The following SCRIB variants were observed in gnomAD, a reference collection of about 807,000 sequenced individuals.
SCRIB encodes protein scribble homolog.
A neutral mutation model predicts 170.0 loss-of-function variants in SCRIB; 72 were observed. The observed-to-expected ratio is 0.42, with a 90% CI of 0.35 to 0.52. The LOEUF is 0.52. SCRIB is among the 20% of genes least tolerant of loss of function. The pLI is 0.02. For synonymous variants in SCRIB, 1,298 were observed against 1,044.3 expected, an observed-to-expected ratio of 1.24 and a Z score of -4.68; for missense variants, 2,475 against 2,338.5, an observed-to-expected ratio of 1.06 and a Z score of -1.20.
chr8:143,812,942 C>A lies in SCRIB; in HGVS notation c.662G>T (p.Arg221Leu). Residue 221 changes from arginine to leucine, a missense_variant, in exon 8 of 37, where the codon CGC becomes CTC. Around this residue, in one of 3 missense-constraint regions of SCRIB, gnomAD observed 487 missense variants for 558.1 expected, o/e 0.87. Transcript: ENST00000356994. ...ALPPELGNLRRLVCLDVSENR... is the reference protein window; with the variant it reads ...ALPPELGNLRLLVCLDVSENR... ...TTCCGACACGTCCAGGCACACCAGG[C>A]GCCGCAGGTTCCCGAGCTCCTGCAG... 6.2e-7 allele frequency: 1 copy of A among 1,612,782 alleles called. No individual in the cohort carries two copies. Among genetic ancestry groups the A allele is most frequent in the East Asian group, 2.2e-5 (1 of 44,868 alleles).
chr8:143,795,991 C>T (rs1263483575), intron 24 of SCRIB, among the ~76,000 whole-genome samples: 14 of 152,138 alleles, frequency 9.2e-5, no homozygotes, highest in African/African-American at 1.7e-4. Context: ...ACAAGGGACA[C>T]CATGCAGGAG....
Position 143,815,299 on chromosome 8 carries a change from T to C in SCRIB, c.74A>G (p.Gln25Arg). The C allele has an allele frequency of 2.5e-6, 4 of 1,594,156 alleles. No homozygotes were observed. The highest frequency in any genetic ancestry group is 3.4e-6 in the Non-Finnish European group (4 of 1,173,096). Residue 25 changes from glutamine (Q) to arginine (R), a missense_variant, in exon 1 of 37, where the codon CAG becomes CGG. This residue lies in a region of SCRIB where 487 missense variants were observed against 558.1 expected (regional missense o/e 0.87). Transcript: ENST00000356994. ...GCGGTAGATCTCCTCCGGCACGGCC[T>C]GCAGCGAACAGTGCCGCTTGTCCAC... ...ESVDKRHCSL[Q>R]AVPEEIYRYS...
At chr8:143,798,990 A>G (rs1242086288) in intron 24 of SCRIB, among the ~76,000 whole-genome samples, 1 of 152,202 alleles carries the variant, frequency 6.6e-6, no homozygotes, top group Non-Finnish European at 1.5e-5. Flanking sequence ...AGGGACATCA[A>G]GGGAACGCTG....
rs183379577 is a variant in SCRIB, at chr8:143,801,805, C to G, written c.3603+1578G>C. 2.6e-5 allele frequency among the ~76,000 whole-genome samples: 4 copies of G among 152,330 alleles called. No individual in the cohort carries two copies. In the East Asian group the frequency reaches 7.7e-4, roughly 29 times the overall value. On this transcript the variant is annotated intron_variant, in intron 24 of 36. Coordinates refer to ENST00000356994, the MANE Select transcript of SCRIB (RefSeq NM_182706.5). ...GACGCGGCAGAAATGGTATCTGCCCCCAACACCAGGGAGGGTGTGGAGGTG... is the reference window on the plus strand; with the variant it reads ...GACGCGGCAGAAATGGTATCTGCCCGCAACACCAGGGAGGGTGTGGAGGTG...
intron 1 of SCRIB, 147 bp downstream of exon 1, chr8:143,815,067 G>A: frequency 1.1e-6 from 1 of 918,612 alleles, no homozygotes; most frequent in Non-Finnish European, 1.5e-6. Flanking sequence ...GAAGAGAAGG[G>A]TGGGGCTGGC....
At position 143,808,605 on chromosome 8, in the gene SCRIB, C is replaced by T. The variant is rs746382789; in HGVS notation, c.2115+4G>A. On this transcript the variant is annotated splice_donor_region_variant and intron_variant, in intron 15 of 36. Coordinates refer to ENST00000356994, the MANE Select transcript of SCRIB (RefSeq NM_182706.5). ...GGTCAGGCAGGGGTGAGGCTGACAC[C>T]AACCTTGACAGAGGGCGCAGAAACC... 1.3e-6 allele frequency: 2 copies of T among 1,507,322 alleles called. No homozygotes were observed. Among genetic ancestry groups the T allele is most frequent in the South Asian group, 2.7e-5 (2 of 73,404 alleles). 93.4% of individuals were successfully genotyped at this position (1,507,322 alleles called of 1,614,324 possible).
rs1554632419 is a variant in SCRIB at position 143,791,032 on chromosome 8, A to G, written c.*131T>C. The G allele has an allele frequency of 1.1e-6, 1 of 944,748 alleles. No homozygotes were observed. The highest frequency in any genetic ancestry group is 1.7e-5 in the African/African-American group (1 of 58,256). 58.5% of individuals were successfully genotyped at this position (944,748 alleles called of 1,614,324 possible). On this transcript the variant is annotated 3_prime_UTR_variant, in exon 37 of 37. Coordinates refer to ENST00000356994, the MANE Select transcript of SCRIB (RefSeq NM_182706.5). ...AGGTCTCGGCTGGGGTGGGGCAGTT[A>G]GTTAGTCACAGGCCAGAACTCCTGT...
chr8:143,796,500 G>A (rs1217438835), intron 24 of SCRIB, among the ~76,000 whole-genome samples: 1 of 152,222 alleles, frequency 6.6e-6, no homozygotes, highest in African/African-American at 2.4e-5. Flanking sequence ...GGGCTGCTCA[G>A]GCCGGGGGAG....
intron 1 of SCRIB, 108 bp from the exon 2 acceptor site, chr8:143,814,226 C>T (rs775418496): frequency 6.0e-5 from 54 of 900,028 alleles, no homozygotes; most frequent in Non-Finnish European, 8.6e-5. Context: ...CCTCTGTCTG[C>T]TCCAGGTCAC....
At chr8:143,807,484 G>A (rs561077948) in intron 16 of SCRIB, 68 bp downstream of exon 16, 24 of 1,281,538 alleles carry the variant, frequency 1.9e-5, no homozygotes, top group East Asian at 1.8e-4. Flanking sequence ...GGGGAGAGGC[G>A]TGAGCCCACA....
intron 18 of SCRIB, among the ~76,000 whole-genome samples, chr8:143,806,061 C>T (rs936493235): frequency 6.6e-6 from 1 of 152,178 alleles, no homozygotes; most frequent in African/African-American, 2.4e-5. Context: ...GTAGCCTGAC[C>T]CCTCTCGGTC....
chr8:143,799,475 C>T (rs1815081668), intron 24 of SCRIB, among the ~76,000 whole-genome samples: 1 of 152,136 alleles, frequency 6.6e-6, no homozygotes, highest in Admixed American at 6.5e-5. Flanking sequence ...GGGAGGTGGC[C>T]GCAGAGGAGG....
rs369229463 is a variant in SCRIB at position 143,795,498 on chromosome 8, C to G, written c.3636G>C (p.Ala1212=). Residue 1212 remains alanine, a synonymous_variant, in exon 25 of 37, where the codon GCG becomes GCC. Transcript: ENST00000356994. ...GGCTGTTCCGGTGGCCGATGCCTGCCGCAAAGGGGTTGGCAATGACACCTG... is the reference window on the plus strand; with the variant it reads ...GGCTGTTCCGGTGGCCGATGCCTGCGGCAAAGGGGTTGGCAATGACACCTG... ...VSPGVIANPF[A]AGIGHRNSLE... The G allele has an allele frequency of 1.2e-6, 2 of 1,612,982 alleles. No homozygotes were observed. The highest frequency in any genetic ancestry group is 2.7e-5 in the African/African-American group (2 of 74,878).
At position 143,803,706 on chromosome 8, in the gene SCRIB, C is replaced by A; in HGVS notation, c.3355G>T (p.Ala1119Ser). The change falls in exon 23 of 37, where the codon GCC becomes TCC. Residue 1119 changes from alanine to serine, a missense_variant. Ala to Ser is a moderately conservative substitution (Grantham distance 99). Around this residue, in one of 3 missense-constraint regions of SCRIB, gnomAD observed 1,966 missense variants for 1,742.9 expected, o/e 1.13. Transcript: ENST00000356994. ...ERLGISIRGG[A>S]RGHAGNPRDP... Reference sequence around the variant, plus strand: ...CGGGGGTTGCCAGCGTGGCCCCTGGCACCCCCGCGGATGCTGATGCCCAGC... The same window carrying A: ...CGGGGGTTGCCAGCGTGGCCCCTGGAACCCCCGCGGATGCTGATGCCCAGC... 6.3e-7 allele frequency: 1 copy of A among 1,586,640 alleles called. No homozygotes were observed.
chr8:143,813,389 G>A lies in SCRIB; in HGVS notation c.504-15C>T, dbSNP rs1167727279. ...ATGACAGGGACCTGCAGAGGAAGCA[G>A]GGTGGAGGTGTGGCCACGCAGCCCT... On this transcript the variant is annotated splice_polypyrimidine_tract_variant and intron_variant, in intron 5 of 36. Transcript: ENST00000356994. 14 of 1,613,350 alleles carry A rather than the reference G, an allele frequency of 8.7e-6. No homozygotes were observed. The highest frequency in any genetic ancestry group is 1.3e-5 in the African/African-American group (1 of 74,956).
intron 24 of SCRIB, among the ~76,000 whole-genome samples, chr8:143,797,315 T>C (rs1171258840): frequency 1.3e-5 from 2 of 152,188 alleles, no homozygotes; most frequent in African/African-American, 4.8e-5. Context: ...TGAAATGGAC[T>C]CCCTTGTGAG....
rs782548815 is a variant in SCRIB, at chr8:143,805,411, C to A, written c.2371G>T (p.Ala791Ser). Residue 791 changes from alanine to serine, a missense_variant, in exon 19 of 37, where the codon GCC becomes TCC. Coordinates refer to ENST00000356994, the MANE Select transcript of SCRIB (RefSeq NM_182706.5). ...GCCTCCACGGCCTCGTGGTGCTCGGCGCCCTGCAGAGCCACACCATTCACC... is the reference window on the plus strand; with the variant it reads ...GCCTCCACGGCCTCGTGGTGCTCGGAGCCCTGCAGAGCCACACCATTCACC... ...LEVNGVALQGAEHHEAVEALR... is the reference protein window; with the variant it reads ...LEVNGVALQGSEHHEAVEALR... 4.6e-6 allele frequency: 7 copies of A among 1,523,774 alleles called. No individual in the cohort carries two copies. The highest frequency in any genetic ancestry group is 1.4e-5 in the African/African-American group (1 of 72,334). The allele number at this position is 1,523,774 out of a possible 1,614,324, so 94.4% of individuals were successfully genotyped here. A position where few individuals can be genotyped will look rare whatever the true frequency, so the allele number is the denominator to read the frequency against.
intron 21 of SCRIB, 31 bp downstream of exon 21, chr8:143,804,537 G>A (rs1554635861): frequency 6.7e-7 from 1 of 1,486,008 alleles, no homozygotes. Flanking sequence ...CTGAAGCTGG[G>A]TGGGTGCCTG....
At chr8:143,807,735 T>G in intron 15 of SCRIB, 121 bp from the exon 16 acceptor site, 1 of 811,960 alleles carries the variant, frequency 1.2e-6, no homozygotes, top group South Asian at 1.4e-5. Flanking sequence ...CTCCCTCGAC[T>G]GCCCTGGCAC....
Sources: gnomAD v4.1 joint callset for allele counts (sites outside exome capture counted in the v4.1 genomes callset) on GRCh38, gnomAD v4.1.1 for gene constraint, gnomAD v4.1.1 regional missense constraint, MANE v1.5 for transcripts, NCBI Gene and HGNC (gene_info 2026-07-23, HGNC 2026-07-21) for gene names.